Variants in GRIA3 observed in about 807,000 individuals in gnomAD.
GRIA3 encodes glutamate receptor 3.
GRIA3 carries 3 observed loss-of-function variants against 63.0 expected under a neutral mutation model. That is an observed-to-expected ratio of 0.05 (90% CI 0.02 to 0.12). GRIA3 has a LOEUF of 0.12. Among genes scored for constraint, GRIA3 ranks in the 10% least tolerant of loss-of-function variants. The probability of loss-of-function intolerance (pLI) is 1.00; values close to 1 mark genes in which losing one functional copy is unlikely to be tolerated. For missense variants in GRIA3, 347 were observed against 700.9 expected (o/e 0.50, Z 5.70); for synonymous variants, 274 against 257.9 (o/e 1.06, Z -0.60).
At chrX:123,454,837 C>A (rs1569439346) in intron 12 of GRIA3, among the ~76,000 whole-genome samples, 1 of 111,815 alleles carries the variant, frequency 8.9e-6, no homozygotes, top group Non-Finnish European at 1.9e-5. Context: ...ATTTTCAACC[C>A]ATTGGAATAT....
chrX:123,186,064 C>A, intron 2 of GRIA3, 74 bp downstream of exon 2: 1 of 855,242 alleles, frequency 1.2e-6, no homozygotes, highest in Non-Finnish European at 1.7e-6. Flanking sequence ...CACTTAGGGT[C>A]TGTGTATGTG....
intron 4 of GRIA3, among the ~76,000 whole-genome samples, chrX:123,343,121 C>T (rs62594110): frequency 0.35 from 39,287 of 110,849 alleles, 6,246 homozygotes; most frequent in Middle Eastern, 0.54. Context: ...ACAATGCCTA[C>T]CTTAAAGGAT....
chrX:123,347,008 G>C (rs1216226550), intron 4 of GRIA3, among the ~76,000 whole-genome samples: 2 of 112,008 alleles, frequency 1.8e-5, no homozygotes, highest in African/African-American at 6.5e-5. Flanking sequence ...GATTTTTGTG[G>C]TGTTAGTACT....
chrX:123,389,037 CTT>C (rs775167854), intron 5 of GRIA3, among the ~76,000 whole-genome samples: 3 of 112,107 alleles, frequency 2.7e-5, no homozygotes, highest in Non-Finnish European at 5.6e-5. Flanking sequence ...CAAAGTTCCT[CTT>C]GTTATTGATT....
chrX:123,284,972 A>T (rs2044608789), intron 3 of GRIA3, among the ~76,000 whole-genome samples: 1 of 111,515 alleles, frequency 9.0e-6, no homozygotes, highest in Non-Finnish European at 1.9e-5. Flanking sequence ...GGTTGAAATG[A>T]AGGAAAAAAT....
chrX:123,197,989 C>T (rs771166752), intron 2 of GRIA3, among the ~76,000 whole-genome samples: 1 of 112,291 alleles, frequency 8.9e-6, no homozygotes, highest in African/African-American at 3.2e-5. Context: ...GTCAAGAGCC[C>T]GAGAGAGGCC....
intron 15 of GRIA3, among the ~76,000 whole-genome samples, chrX:123,488,395 T>C (rs758776400): frequency 9.3e-4 from 105 of 112,614 alleles, no homozygotes; most frequent in African/African-American, 3.3e-3. Context: ...GTTTCTGCAA[T>C]CAGAATACAC....
At chrX:123,477,042 A>T (rs2147443200) in intron 13 of GRIA3, among the ~76,000 whole-genome samples, 1 of 111,984 alleles carries the variant, frequency 8.9e-6, no homozygotes, top group African/African-American at 3.2e-5. Context: ...GGCAGGGATA[A>T]GCCATTGTTC....
intron 2 of GRIA3, among the ~76,000 whole-genome samples, chrX:123,226,622 G>T: frequency 9.0e-6 from 1 of 111,367 alleles, no homozygotes; most frequent in Non-Finnish European, 1.9e-5. Flanking sequence ...GACAAAGGCT[G>T]AGACCAGCAC....
chrX:123,226,502 T>C (rs2044247916), intron 2 of GRIA3, among the ~76,000 whole-genome samples: 1 of 111,496 alleles, frequency 9.0e-6, no homozygotes, highest in Non-Finnish European at 1.9e-5. Context: ...GATGGTATAA[T>C]GGCCCAAGTC....
intron 4 of GRIA3, among the ~76,000 whole-genome samples, chrX:123,339,283 A>G (rs763611901): frequency 8.9e-6 from 1 of 112,434 alleles, no homozygotes; most frequent in South Asian, 3.7e-4. Context: ...TCTCAACCGC[A>G]TGAAAAAGAA....
intron 3 of GRIA3, among the ~76,000 whole-genome samples, chrX:123,277,495 G>T (rs1417284439): frequency 9.0e-6 from 1 of 111,121 alleles, no homozygotes; most frequent in Non-Finnish European, 1.9e-5. Context: ...AAGGCCTCGT[G>T]ATGTAGGAAG....
chrX:123,490,515 T>C lies in GRIA3; in HGVS notation c.*1805T>C, dbSNP rs976863863. Reference sequence around the variant, plus strand: ...GTTGTATAAAACAAACCAACCAACCTACACACAAATGTTTTCATAGGCACT... The same window carrying C: ...GTTGTATAAAACAAACCAACCAACCCACACACAAATGTTTTCATAGGCACT... On this transcript the variant is annotated 3_prime_UTR_variant, in exon 16 of 16. Coordinates refer to ENST00000620443, the MANE Select transcript of GRIA3 (RefSeq NM_007325.5). 8.9e-5 allele frequency: 10 copies of C among 112,934 alleles called. No homozygotes were observed. Among genetic ancestry groups the C allele is most frequent in the Non-Finnish European group, 1.7e-4 (9 of 53,385 alleles). 9.3% of individuals were successfully genotyped at this position (112,934 alleles called of 1,213,427 possible).
At chrX:123,351,538 T>C (rs917520527) in intron 4 of GRIA3, among the ~76,000 whole-genome samples, 3 of 111,970 alleles carry the variant, frequency 2.7e-5, no homozygotes, top group Middle Eastern at 8.4e-3. Context: ...CTGAACACAA[T>C]AAACCATAGC....
At chrX:123,325,785 T>G (rs774747170) in intron 3 of GRIA3, among the ~76,000 whole-genome samples, 3 of 111,796 alleles carry the variant, frequency 2.7e-5, no homozygotes, top group Non-Finnish European at 5.6e-5. Flanking sequence ...ATAATTCAGC[T>G]GTGAGCTCTC....
intron 15 of GRIA3, among the ~76,000 whole-genome samples, chrX:123,485,320 T>A (rs1378056336): frequency 8.9e-6 from 1 of 111,758 alleles, no homozygotes; most frequent in Non-Finnish European, 1.9e-5. Flanking sequence ...TGTTCTCACA[T>A]CTATTGGCTC....
At chrX:123,355,197 T>C (rs937767610) in intron 5 of GRIA3, among the ~76,000 whole-genome samples, 3 of 112,603 alleles carry the variant, frequency 2.7e-5, no homozygotes, top group African/African-American at 9.7e-5. Flanking sequence ...ATATGATTCA[T>C]TACTTATTTT....
chrX:123,445,816 C>G (rs1260053576), intron 12 of GRIA3, among the ~76,000 whole-genome samples: 1 of 112,137 alleles, frequency 8.9e-6, no homozygotes, highest in Non-Finnish European at 1.9e-5. Context: ...GTCAGAGAAA[C>G]CTAGGAGGAG....
chrX:123,195,004 G>A (rs891276416), intron 2 of GRIA3, among the ~76,000 whole-genome samples: 3 of 112,892 alleles, frequency 2.7e-5, no homozygotes, highest in Non-Finnish European at 5.6e-5. Flanking sequence ...ATGGTAAGTA[G>A]AGACAAAGGA....
Sources: allele counts gnomAD v4.1 joint callset (sites outside exome capture counted in the v4.1 genomes callset), GRCh38; gene constraint gnomAD v4.1.1; transcripts MANE v1.5; gene names NCBI Gene and HGNC (gene_info 2026-07-23, HGNC 2026-07-21).